SAMMSON: variants seen among roughly 807,000 people sequenced by gnomAD.
SAMMSON encodes the protein survival associated mitochondrial melanoma specific oncogenic non-coding RNA.
chr3:70,145,254 T>C (rs756687875), intron 4 of SAMMSON, among the ~76,000 whole-genome samples: 2 of 152,138 alleles, frequency 1.3e-5, no homozygotes, highest in Non-Finnish European at 2.9e-5. Flanking sequence ...TCCACAATTG[T>C]AGTTGGAGAT....
intron 4 of SAMMSON, among the ~76,000 whole-genome samples, chr3:70,174,874 C>A (rs1052712791): frequency 6.6e-6 from 1 of 151,892 alleles, no homozygotes; most frequent in Non-Finnish European, 1.5e-5. Context: ...TGAACCAAGC[C>A]AATTCTAACA....
chr3:70,245,218 G>A (rs1037528715), intron 4 of SAMMSON, among the ~76,000 whole-genome samples: 2 of 151,908 alleles, frequency 1.3e-5, no homozygotes, highest in African/African-American at 4.8e-5. Context: ...TTTTAAAAGA[G>A]TTTTTTTCTA....
At chr3:70,336,858 G>GTGTGTGGA (rs1491478364) in intron 7 of SAMMSON, among the ~76,000 whole-genome samples, 1 of 135,768 alleles carries the variant, frequency 7.4e-6, no homozygotes, top group East Asian at 2.1e-4. Flanking sequence ...GTGTGTGTGT[G>GTGTGTGGA]GAGAGAGAGA....
At chr3:70,151,721 C>T (rs570267835) in intron 4 of SAMMSON, among the ~76,000 whole-genome samples, 5 of 151,674 alleles carry the variant, frequency 3.3e-5, no homozygotes, top group East Asian at 3.9e-4. Flanking sequence ...CTTATAATGC[C>T]GTCATCTCAT....
intron 4 of SAMMSON, chr3:70,159,490 T>C (rs1474218243): frequency 2.0e-5 from 3 of 152,142 alleles, no homozygotes; most frequent in Non-Finnish European, 4.4e-5. Context: ...CCAAAATGAT[T>C]GTACCATTCA....
intron 4 of SAMMSON, chr3:70,204,638 G>A (rs1701273334): frequency 6.6e-6 from 1 of 151,724 alleles, no homozygotes; most frequent in Admixed American, 6.6e-5. Context: ...TGAATGAAGA[G>A]TAGTCAGCTA....
intron 2 of SAMMSON, among the ~76,000 whole-genome samples, chr3:70,429,312 TC>T: frequency 6.6e-6 from 1 of 152,286 alleles, no homozygotes; most frequent in South Asian, 2.1e-4. Flanking sequence ...TCTATTCTAT[TC>T]CATTGGTCTA....
intron 6 of SAMMSON, among the ~76,000 whole-genome samples, chr3:70,264,416 ACTGT>A (rs1454259029): frequency 1.3e-5 from 2 of 152,224 alleles, no homozygotes; most frequent in African/African-American, 2.4e-5. Flanking sequence ...TTATCCAATG[ACTGT>A]CTAAGAACTG....
intron 4 of SAMMSON, chr3:70,119,990 C>A (rs1421691666): frequency 6.6e-6 from 1 of 152,002 alleles, no homozygotes; most frequent in African/African-American, 2.4e-5. Flanking sequence ...AGATCTAGGT[C>A]TTTGATAAAT....
intron 3 of SAMMSON, chr3:70,014,591 A>G (rs1219241168): frequency 6.6e-6 from 1 of 152,218 alleles, no homozygotes; most frequent in Non-Finnish European, 1.5e-5. Flanking sequence ...GCATGAACAT[A>G]TAAAAGAGGC....
At chr3:70,169,979 A>C (rs2067655286) in intron 4 of SAMMSON, among the ~76,000 whole-genome samples, 1 of 151,960 alleles carries the variant, frequency 6.6e-6, no homozygotes, top group African/African-American at 2.4e-5. Context: ...ACTGGCTAGC[A>C]GTCTAGTTGT....
chr3:70,285,326 C>T (rs1008458169), intron 6 of SAMMSON, among the ~76,000 whole-genome samples: 8 of 150,410 alleles, frequency 5.3e-5, no homozygotes, highest in East Asian at 2.0e-4. Flanking sequence ...TTTGTTCTTG[C>T]GATAGTTTAC....
In SAMMSON at chr3:70,417,677, A is replaced by AT. The variant is rs367620891; in HGVS notation, n.234-44874dup. Among the ~76,000 whole-genome samples the AT allele has an allele frequency of 7.0e-4, 106 of 151,144 alleles. 1 individual carries two copies. Among genetic ancestry groups the AT allele is most frequent in the African/African-American group, 2.0e-3 (83 of 41,286 alleles). On this transcript the variant is annotated intron_variant and non_coding_transcript_variant, in intron 2 of 3. Coordinates refer to the SAMMSON transcript ENST00000641053. ...AGTTAGCTTCCTTTTAAAGAAGCTT[A>AT]TTTTTTTTTGTGGTCCCAAAGACCC...
At chr3:70,402,805 T>C (rs1304533965) in intron 2 of SAMMSON, among the ~76,000 whole-genome samples, 1 of 152,100 alleles carries the variant, frequency 6.6e-6, no homozygotes, top group African/African-American at 2.4e-5. Context: ...GAGGTTGCAA[T>C]GAGCCGAGAT....
At chr3:70,252,596 C>G (rs913402503) in intron 6 of SAMMSON, among the ~76,000 whole-genome samples, 1 of 152,080 alleles carries the variant, frequency 6.6e-6, no homozygotes, top group African/African-American at 2.4e-5. Context: ...AATGAGATAT[C>G]CATGGTAAAC....
chr3:70,378,387 A>G (rs1367680625), intron 9 of SAMMSON, among the ~76,000 whole-genome samples: 1 of 152,042 alleles, frequency 6.6e-6, no homozygotes, highest in Non-Finnish European at 1.5e-5. Context: ...TTGTACTTAT[A>G]TAAAAATAAG....
chr3:70,270,127 C>T (rs1575611415), intron 6 of SAMMSON, among the ~76,000 whole-genome samples: 1 of 152,066 alleles, frequency 6.6e-6, no homozygotes, highest in Non-Finnish European at 1.5e-5. Context: ...TATGCACATA[C>T]ATTTGAAATG....
At chr3:70,160,078 T>G (rs2067608809) in intron 4 of SAMMSON, among the ~76,000 whole-genome samples, 1 of 152,146 alleles carries the variant, frequency 6.6e-6, no homozygotes, top group Non-Finnish European at 1.5e-5. Flanking sequence ...AAATATTTTA[T>G]CCCAATTTAT....
chr3:70,039,130 G>A (rs2067096867), intron 3 of SAMMSON, among the ~76,000 whole-genome samples: 1 of 152,116 alleles, frequency 6.6e-6, no homozygotes, highest in South Asian at 2.1e-4. Context: ...ACTAAAAGTG[G>A]GAGAAATCTT....
Sources: gnomAD v4.1 joint callset for allele counts (sites outside exome capture counted in the v4.1 genomes callset) on GRCh38, gnomAD v4.1.1 for gene constraint, MANE v1.5 for transcripts, NCBI Gene and HGNC (gene_info 2026-07-23, HGNC 2026-07-21) for gene names.